Variants in NXPH1 observed in about 807,000 individuals in gnomAD.
NXPH1 encodes neurexophilin 1, also known as neurexophilin-1.
In NXPH1, 5 loss-of-function variants were observed where a neutral mutation model predicts 23.7. That is an observed-to-expected ratio of 0.21 (90% CI 0.11 to 0.44). The LOEUF is 0.44. NXPH1 is among the 20% of genes least tolerant of loss of function. The pLI, the probability that NXPH1 is intolerant of heterozygous loss-of-function variation, is 0.99. For synonymous variants in NXPH1, 144 were observed against 122.2 expected (o/e 1.18, Z -1.18); for missense variants, 324 against 321.6 (o/e 1.01, Z -0.06).
chr7:8,684,230 A>T (rs1376227951), intron 2 of NXPH1, among the ~76,000 whole-genome samples: 5 of 152,296 alleles, frequency 3.3e-5, no homozygotes. Context: ...TTAATATCAT[A>T]TTCCTGCCCG....
chr7:8,592,507 C>T (rs371899198), intron 2 of NXPH1, among the ~76,000 whole-genome samples: 15 of 152,062 alleles, frequency 9.9e-5, no homozygotes, highest in Admixed American at 3.9e-4. Flanking sequence ...ATTATAGCTT[C>T]TTACAAAGCA....
chr7:8,534,881 T>A (rs948479913), intron 2 of NXPH1, among the ~76,000 whole-genome samples: 3 of 152,116 alleles, frequency 2.0e-5, no homozygotes, highest in African/African-American at 7.2e-5. Flanking sequence ...AGTTTATTTA[T>A]ACACTGCATT....
At chr7:8,703,022 G>A (rs547318012) in intron 2 of NXPH1, among the ~76,000 whole-genome samples, 1 of 152,248 alleles carries the variant, frequency 6.6e-6, no homozygotes. Context: ...GAGGGCACAT[G>A]AGGAGGCTAG....
At chr7:8,705,313 C>T (rs1283789064) in intron 2 of NXPH1, among the ~76,000 whole-genome samples, 1 of 152,152 alleles carries the variant, frequency 6.6e-6, no homozygotes, top group Non-Finnish European at 1.5e-5. Context: ...AATTGCAACA[C>T]ACTCAAACGG....
At chr7:8,605,250 G>A (rs1011840117) in intron 2 of NXPH1, among the ~76,000 whole-genome samples, 29 of 152,038 alleles carry the variant, frequency 1.9e-4, no homozygotes, top group Admixed American at 3.9e-4. Flanking sequence ...TGCCAGTTGG[G>A]GAATGGCAAA....
At chr7:8,707,672 A>G (rs953243217) in intron 2 of NXPH1, among the ~76,000 whole-genome samples, 2 of 152,182 alleles carry the variant, frequency 1.3e-5, no homozygotes, top group Non-Finnish European at 2.9e-5. Context: ...GCAGTAAGAC[A>G]TATGAGAGAT....
At chr7:8,719,067 GAAAAT>G (rs1314482786) in intron 2 of NXPH1, among the ~76,000 whole-genome samples, 2 of 152,196 alleles carry the variant, frequency 1.3e-5, no homozygotes, top group African/African-American at 4.8e-5. Context: ...TGGGTGGAGA[GAAAAT>G]AAAATCTGAA....
At chr7:8,513,760 A>G (rs1293417490) in intron 2 of NXPH1, among the ~76,000 whole-genome samples, 1 of 152,044 alleles carries the variant, frequency 6.6e-6, no homozygotes. Flanking sequence ...AGAACCACCT[A>G]TGTCCTATGG....
intron 2 of NXPH1, among the ~76,000 whole-genome samples, chr7:8,583,883 G>T (rs1423265938): frequency 6.6e-6 from 1 of 152,160 alleles, no homozygotes; most frequent in Non-Finnish European, 1.5e-5. Flanking sequence ...GGAGCTCTTT[G>T]TTGGATATGG....
chr7:8,615,324 G>A (rs1473540877), intron 2 of NXPH1, among the ~76,000 whole-genome samples: 3 of 151,990 alleles, frequency 2.0e-5, no homozygotes, highest in African/African-American at 7.2e-5. Context: ...TAGCTTATTG[G>A]CTATGTAATT....
intron 2 of NXPH1, among the ~76,000 whole-genome samples, chr7:8,460,626 C>A (rs1816677285): frequency 6.6e-6 from 1 of 152,140 alleles, no homozygotes; most frequent in South Asian, 2.1e-4. Context: ...GCTCTGATCC[C>A]TCTAGATGAG....
intron 2 of NXPH1, among the ~76,000 whole-genome samples, chr7:8,474,223 T>G (rs1425824156): frequency 1.3e-5 from 2 of 152,178 alleles, no homozygotes; most frequent in Non-Finnish European, 2.9e-5. Context: ...AAAATAATTT[T>G]AGGATTGCTA....
At chr7:8,550,009 T>C (rs1477486803) in intron 2 of NXPH1, among the ~76,000 whole-genome samples, 2 of 151,626 alleles carry the variant, frequency 1.3e-5, no homozygotes, top group African/African-American at 4.8e-5. Context: ...GATATATATG[T>C]CTTATTTTGT....
At chr7:8,505,123 G>A (rs143398477) in intron 2 of NXPH1, among the ~76,000 whole-genome samples, 1 of 152,030 alleles carries the variant, frequency 6.6e-6, no homozygotes, top group African/African-American at 2.4e-5. Context: ...TTAAATGTCT[G>A]ATTTTACAGT....
intron 2 of NXPH1, among the ~76,000 whole-genome samples, chr7:8,684,361 T>C (rs992916297): frequency 6.6e-6 from 1 of 152,176 alleles, no homozygotes; most frequent in Non-Finnish European, 1.5e-5. Flanking sequence ...GCCTTTGATA[T>C]GCGATACTTG....
intron 2 of NXPH1, among the ~76,000 whole-genome samples, chr7:8,601,607 C>T (rs10278529): frequency 0.38 from 57,187 of 152,016 alleles, 11,888 homozygotes; most frequent in African/African-American, 0.56. Context: ...ATGCTTGAAT[C>T]GTCTTTCATT....
chr7:8,744,780 T>C (rs145724112), intron 2 of NXPH1, among the ~76,000 whole-genome samples: 4 of 152,376 alleles, frequency 2.6e-5, no homozygotes, highest in Non-Finnish European at 5.9e-5. Context: ...ACCTTTTTTA[T>C]GTTTCTATTT....
chr7:8,678,820 C>A (rs1051020416), intron 2 of NXPH1, among the ~76,000 whole-genome samples: 6 of 151,564 alleles, frequency 4.0e-5, no homozygotes, highest in African/African-American at 1.5e-4. Flanking sequence ...GTAGAGTGGT[C>A]CCACAGCAGA....
At chr7:8,443,816 C>CG (rs1345929002) in intron 2 of NXPH1, among the ~76,000 whole-genome samples, 7 of 151,962 alleles carry the variant, frequency 4.6e-5, no homozygotes, top group African/African-American at 1.7e-4. Context: ...GATGGAGCGG[C>CG]GGGGGGGAGT....
Sources: gnomAD v4.1 joint callset for allele counts (sites outside exome capture counted in the v4.1 genomes callset) on GRCh38, gnomAD v4.1.1 for gene constraint, MANE v1.5 for transcripts, NCBI Gene and HGNC (gene_info 2026-07-23, HGNC 2026-07-21) for gene names.